The following PTGER2 variants were observed in gnomAD, a reference collection of about 807,000 sequenced individuals.
PTGER2 encodes the protein prostaglandin E receptor 2, also known as prostaglandin E2 receptor EP2 subtype.
PTGER2 carries 22 observed loss-of-function variants against 26.2 expected under a neutral mutation model. That is an observed-to-expected ratio of 0.84 (90% CI 0.60 to 1.20). PTGER2 has a LOEUF of 1.20. PTGER2 is among the 50% of genes most tolerant of loss of function. The probability of loss-of-function intolerance (pLI) is 0.00; values close to 1 mark genes in which losing one functional copy is unlikely to be tolerated. For missense variants in PTGER2, 458 were observed against 475.2 expected (o/e 0.96, Z 0.34); for synonymous variants, 219 against 208.9 (o/e 1.05, Z -0.42).
chr14:52,314,581 G>T lies in PTGER2; in HGVS notation c.33G>T (p.Glu11Asp). MGNASNDSQS[E>D]DCETRQWLPP... ...ATGCCTCCAATGACTCCCAGTCTGA[G>T]GACTGCGAGACGCGACAGTGGCTTC... The change falls in exon 1 of 2, where the codon GAG becomes GAT. Residue 11 changes from glutamate to aspartate, a missense_variant. Physicochemically the swap from Glu to Asp is conservative, Grantham distance 45. Coordinates refer to ENST00000245457, the MANE Select transcript of PTGER2 (RefSeq NM_000956.4). This position sits in a 1 kb window ranked among gnomAD's most constrained non-coding sequence, Gnocchi z 5.7. 6.6e-7 allele frequency: 1 copy of T among 1,508,568 alleles called. No individual in the cohort carries two copies. Among genetic ancestry groups the T allele is most frequent in the African/African-American group, 1.4e-5 (1 of 71,576 alleles). The allele number at this position is 1,508,568 out of a possible 1,614,324, so 93.4% of individuals were successfully genotyped here.
Position 52,315,316 on chromosome 14 carries a change from G to A in PTGER2, c.768G>A (p.Met256Ile). The A allele has an allele frequency of 6.2e-7, 1 of 1,613,568 alleles. No homozygotes were observed. The highest frequency in any genetic ancestry group is 8.5e-7 in the Non-Finnish European group (1 of 1,179,944). Reference sequence around the variant, plus strand: ...GCAGGAGAGGGGAAAGGGTGTCCATGGCGGAGGAGACGGACCACCTCATTC... The same window carrying A: ...GCAGGAGAGGGGAAAGGGTGTCCATAGCGGAGGAGACGGACCACCTCATTC... ...GARRRGERVSMAEETDHLILL... is the reference protein window; with the variant it reads ...GARRRGERVSIAEETDHLILL... Residue 256 changes from methionine to isoleucine, a missense_variant, in exon 1 of 2, where the codon ATG becomes ATA. By Grantham distance (10) the Met-to-Ile change is conservative (BLOSUM62 1). Coordinates refer to ENST00000245457, the MANE Select transcript of PTGER2 (RefSeq NM_000956.4).
At chr14:52,318,631 G>A (rs1347494829) in intron 1 of PTGER2, among the ~76,000 whole-genome samples, 1 of 152,182 alleles carries the variant, frequency 6.6e-6, no homozygotes, top group African/African-American at 2.4e-5. Context: ...GCTGTACCCA[G>A]TGGGACACCA....
intron 1 of PTGER2, among the ~76,000 whole-genome samples, chr14:52,319,176 C>G (rs555659290): frequency 1.3e-5 from 2 of 152,326 alleles, no homozygotes; most frequent in Admixed American, 6.5e-5. Context: ...CACTTTGCCT[C>G]TTAATTCCAA....
chr14:52,318,858 T>C (rs558142902), intron 1 of PTGER2, among the ~76,000 whole-genome samples: 12 of 152,346 alleles, frequency 7.9e-5, no homozygotes, highest in East Asian at 1.9e-4. Context: ...TTCAACCTCA[T>C]ATGTCATTAT....
In PTGER2 at chr14:52,327,461, T is replaced by C; in HGVS notation, c.*7T>C. 1 of 1,566,022 alleles carries C rather than the reference T, an allele frequency of 6.4e-7. No individual in the cohort carries two copies. The highest frequency in any genetic ancestry group is 8.8e-7 in the Non-Finnish European group (1 of 1,139,774). ...TAAACAGGCTGACCTTTGAGGTCAG[T>C]AGTTTAAAAGTTCTTAGTTATATAG... On this transcript the variant is annotated 3_prime_UTR_variant, in exon 2 of 2. Coordinates refer to ENST00000245457, the MANE Select transcript of PTGER2 (RefSeq NM_000956.4).
rs1217824487 is a variant in PTGER2 at position 52,315,318 on chromosome 14, C to A, written c.770C>A (p.Ala257Glu). The A allele has an allele frequency of 2.5e-6, 4 of 1,613,068 alleles. No individual in the cohort carries two copies. Among genetic ancestry groups the A allele is most frequent in the Non-Finnish European group, 3.4e-6 (4 of 1,179,850 alleles). The change falls in exon 1 of 2, where the codon GCG (alanine) becomes GAG (glutamate). Residue 257 changes from alanine to glutamate, a missense_variant. Transcript: ENST00000245457. The stretch of plus-strand genomic sequence containing the variant: ...AGGAGAGGGGAAAGGGTGTCCATGG[C>A]GGAGGAGACGGACCACCTCATTCTC... ...ARRRGERVSM[A>E]EETDHLILLA... is the part of the protein sequence containing the mutation.
chr14:52,327,402 C>T lies in PTGER2; in HGVS notation c.1025C>T (p.Thr342Ile), dbSNP rs149912921. 1.8e-5 allele frequency: 29 copies of T among 1,613,624 alleles called. No homozygotes were observed. The highest frequency in any genetic ancestry group is 3.3e-4 in the Middle Eastern group (2 of 6,084). The change falls in exon 2 of 2, where the codon ACA becomes ATA. Residue 342 changes from threonine (T) to isoleucine (I), a missense_variant. Physicochemically the swap from Thr to Ile is moderately conservative, Grantham distance 89. Coordinates refer to ENST00000245457, the MANE Select transcript of PTGER2 (RefSeq NM_000956.4). ...CRISLRTQDA[T>I]QTSCSTQSDA... ...ATTTCATTAAGAACACAAGATGCAA[C>T]ACAAACTTCCTGTTCTACACAGTCA...
At chr14:52,322,529 C>A (rs776759658) in intron 1 of PTGER2, among the ~76,000 whole-genome samples, 3 of 152,120 alleles carry the variant, frequency 2.0e-5, no homozygotes, top group Non-Finnish European at 4.4e-5. Context: ...TCTTGATAAA[C>A]ATCTTAAACA....
chr14:52,323,881 C>G (rs2033922906), intron 1 of PTGER2, among the ~76,000 whole-genome samples: 1 of 152,178 alleles, frequency 6.6e-6, no homozygotes, highest in Non-Finnish European at 1.5e-5. Flanking sequence ...TTTCTCATAA[C>G]AAATACATTG....
chr14:52,326,423 G>A (rs1486373381), intron 1 of PTGER2, among the ~76,000 whole-genome samples: 1 of 152,156 alleles, frequency 6.6e-6, no homozygotes, highest in Non-Finnish European at 1.5e-5. Flanking sequence ...TGAACACTGT[G>A]GAGCACTTAG....
chr14:52,315,223 G>A lies in PTGER2; in HGVS notation c.675G>A (p.Met225Ile). The A allele has an allele frequency of 6.2e-7, 1 of 1,611,604 alleles. No individual in the cohort carries two copies. The change falls in exon 1 of 2, where the codon ATG becomes ATA. Residue 225 changes from methionine to isoleucine, a missense_variant. Coordinates refer to ENST00000245457, the MANE Select transcript of PTGER2 (RefSeq NM_000956.4). ...NFSVILNLIR[M>I]HRRSRRSRCG... ...GTGTCATTCTCAACCTCATCCGCAT[G>A]CACCGCCGAAGCCGGAGAAGCCGCT... is the stretch of plus-strand genomic sequence containing the variant.
chr14:52,326,284 A>C (rs1349652896), intron 1 of PTGER2, among the ~76,000 whole-genome samples: 2 of 152,234 alleles, frequency 1.3e-5, no homozygotes, highest in Non-Finnish European at 2.9e-5. Context: ...CACAGTGAGC[A>C]CTGCACTGGC....
intron 1 of PTGER2, among the ~76,000 whole-genome samples, chr14:52,323,471 C>G (rs996100054): frequency 2.6e-5 from 4 of 152,136 alleles, no homozygotes; most frequent in African/African-American, 7.2e-5. Context: ...CCAGGCTGGT[C>G]TCAAACTTCT....
chr14:52,319,543 A>G (rs1320758667), intron 1 of PTGER2, among the ~76,000 whole-genome samples: 2 of 152,224 alleles, frequency 1.3e-5, no homozygotes, highest in African/African-American at 4.8e-5. Flanking sequence ...GTATAAATTA[A>G]TAAATTCCTC....
rs1012646691 is a variant in PTGER2, at chr14:52,319,510, T to C, written c.843+4119T>C. On this transcript the variant is annotated intron_variant, in intron 1 of 1. Transcript: ENST00000245457. ...ATGGAACCAACAACATATTCCAAAC[T>C]GTTTATTCACTAAAGGGATATTGTA... 2.0e-5 allele frequency among the ~76,000 whole-genome samples: 3 copies of C among 152,342 alleles called. 1 individual carries two copies. The highest frequency in any genetic ancestry group is 2.0e-4 in the Admixed American group (3 of 15,306).
At chr14:52,319,705 C>T (rs1055012031) in intron 1 of PTGER2, among the ~76,000 whole-genome samples, 3 of 152,164 alleles carry the variant, frequency 2.0e-5, no homozygotes, top group Admixed American at 6.6e-5. Context: ...GCCCCTTTCT[C>T]GCCACTTTTC....
In PTGER2 at chr14:52,327,524, A is replaced by G. The variant is rs777604286; in HGVS notation, c.*70A>G. The stretch of plus-strand genomic sequence containing the variant: ...CATTTTGAAATTGTTCCTTGGAGAA[A>G]TGAAAACAGTGTGTAAACAAAATGA... On this transcript the variant is annotated 3_prime_UTR_variant, in exon 2 of 2. Coordinates refer to ENST00000245457, the MANE Select transcript of PTGER2 (RefSeq NM_000956.4). 4 of 1,257,736 alleles carry G rather than the reference A, an allele frequency of 3.2e-6. No individual in the cohort carries two copies. Among genetic ancestry groups the G allele is most frequent in the Non-Finnish European group, 4.5e-6 (4 of 897,084 alleles). The allele number at this position is 1,257,736 out of a possible 1,614,324, so 77.9% of individuals were successfully genotyped here. A position where few individuals can be genotyped will look rare whatever the true frequency, so the allele number is the denominator to read the frequency against.
chr14:52,327,244 C>T lies in PTGER2; in HGVS notation c.867C>T (p.Thr289=). The T allele has an allele frequency of 6.2e-7, 1 of 1,609,108 alleles. No homozygotes were observed. The highest frequency in any genetic ancestry group is 8.5e-7 in the Non-Finnish European group (1 of 1,176,124). ...AGATTTTTGCATATATGAATGAAACCTCTTCCCGAAAGGAAAAATGGGACC... is the reference window on the plus strand; with the variant it reads ...AGATTTTTGCATATATGAATGAAACTTCTTCCCGAAAGGAAAAATGGGACC... ...PFTIFAYMNE[T]SSRKEKWDLQ... is the part of the protein sequence containing the mutation. Residue 289 remains threonine, a synonymous_variant, in exon 2 of 2, where the codon ACC becomes ACT. Coordinates refer to ENST00000245457, the MANE Select transcript of PTGER2 (RefSeq NM_000956.4).
chr14:52,319,661 T>C lies in PTGER2; in HGVS notation c.843+4270T>C, dbSNP rs117164317. 6.4e-3 allele frequency among the ~76,000 whole-genome samples: 978 copies of C among 152,348 alleles called. 5 individuals are homozygous for C. The highest frequency in any genetic ancestry group is 9.5e-3 in the Non-Finnish European group (643 of 68,028). ...ATGAGACCTCTATTCTTGCCTCAGA[T>C]ACTGTTTGTGTCTTCATATCCAACT... On this transcript the variant is annotated intron_variant, in intron 1 of 1. Transcript: ENST00000245457.
Sources: allele counts gnomAD v4.1 joint callset (sites outside exome capture counted in the v4.1 genomes callset), GRCh38; gene constraint gnomAD v4.1.1; non-coding constraint Gnocchi (gnomAD v3.1); transcripts MANE v1.5; gene names NCBI Gene and HGNC (gene_info 2026-07-23, HGNC 2026-07-21).